MIB1: variants seen among roughly 807,000 people sequenced by gnomAD.
MIB1 encodes the protein E3 ubiquitin-protein ligase MIB1.
In MIB1, 278 loss-of-function variants were observed where a neutral mutation model predicts 124.5. That is an observed-to-expected ratio of 2.23 (90% CI 2.02 to 2.47). MIB1 has a LOEUF of 2.47. Ranked by LOEUF, MIB1 falls within the 30% of genes most tolerant of loss-of-function variation. The probability of loss-of-function intolerance (pLI) is 0.00; values close to 1 mark genes in which losing one functional copy is unlikely to be tolerated. For synonymous variants in MIB1, 446 were observed against 429.4 expected (o/e 1.04, Z -0.48); for missense variants, 957 against 1,254.4 (o/e 0.76, Z 3.58).
intron 18 of MIB1, among the ~76,000 whole-genome samples, chr18:21,855,595 G>A (rs1390323521): frequency 6.6e-6 from 1 of 152,148 alleles, no homozygotes; most frequent in South Asian, 2.1e-4. Flanking sequence ...TTGTATAACC[G>A]AGCGTCAGAC....
In MIB1 at chr18:21,869,488, C is replaced by T. The variant is rs1041394759; in HGVS notation, c.*4822C>T. Reference sequence around the variant, plus strand: ...TTTATAAAAGATGGTCTTTAGTGCACGTGTATCATTATATACACGTTTTAA... The same window carrying T: ...TTTATAAAAGATGGTCTTTAGTGCATGTGTATCATTATATACACGTTTTAA... On this transcript the variant is annotated 3_prime_UTR_variant, in exon 21 of 21. Coordinates refer to ENST00000261537, the MANE Select transcript of MIB1 (RefSeq NM_020774.4). The T allele has an allele frequency of 6.6e-5, 10 of 152,332 alleles. No homozygotes were observed. The highest frequency in any genetic ancestry group is 2.2e-4 in the African/African-American group (9 of 41,378). 9.4% of individuals were successfully genotyped at this position (152,332 alleles called of 1,614,324 possible).
intron 1 of MIB1, among the ~76,000 whole-genome samples, chr18:21,725,715 A>G (rs564193934): frequency 7.3e-4 from 111 of 152,148 alleles, no homozygotes; most frequent in Non-Finnish European, 7.8e-4. Flanking sequence ...AAAGTCAAAG[A>G]CACACTTTGT....
At chr18:21,760,818 T>C (rs1428619899) in intron 1 of MIB1, among the ~76,000 whole-genome samples, 2 of 152,220 alleles carry the variant, frequency 1.3e-5, no homozygotes, top group Non-Finnish European at 2.9e-5. Context: ...ATCAACCAAG[T>C]CACATTTGAA....
At chr18:21,797,469 G>A (rs1391832779) in intron 7 of MIB1, among the ~76,000 whole-genome samples, 1 of 152,058 alleles carries the variant, frequency 6.6e-6, no homozygotes, top group East Asian at 1.9e-4. Context: ...GTGGGGGTGA[G>A]CGGTAATTTT....
chr18:21,770,518 C>A (rs1219505967), intron 3 of MIB1, among the ~76,000 whole-genome samples: 1 of 151,988 alleles, frequency 6.6e-6, no homozygotes, highest in East Asian at 1.9e-4. Flanking sequence ...TGGAGTCTTG[C>A]TGTGTTGCCC....
chr18:21,769,562 C>T (rs1042179012), intron 3 of MIB1, among the ~76,000 whole-genome samples: 3 of 152,188 alleles, frequency 2.0e-5, no homozygotes, highest in Non-Finnish European at 4.4e-5. Flanking sequence ...TGCCTCTTTT[C>T]CTGGCTGGAT....
chr18:21,707,803 G>A (rs1024442719), intron 1 of MIB1, among the ~76,000 whole-genome samples: 3 of 152,180 alleles, frequency 2.0e-5, no homozygotes, highest in African/African-American at 7.2e-5. Flanking sequence ...TAAAGTGAAA[G>A]TATTATCGAA....
chr18:21,827,655 C>T (rs2041938228), intron 12 of MIB1: 1 of 151,980 alleles, frequency 6.6e-6, no homozygotes, highest in South Asian at 2.1e-4. Flanking sequence ...GTGAGTTAAG[C>T]TTTGAACTAA....
At chr18:21,863,618 T>C (rs2042295622) in intron 20 of MIB1, among the ~76,000 whole-genome samples, 1 of 151,734 alleles carries the variant, frequency 6.6e-6, no homozygotes, top group Non-Finnish European at 1.5e-5. Context: ...GGGTCTGGAG[T>C]CTTTAAAGGC....
chr18:21,735,378 C>T (rs1050752711), intron 1 of MIB1, among the ~76,000 whole-genome samples: 3 of 152,138 alleles, frequency 2.0e-5, no homozygotes, highest in African/African-American at 7.2e-5. Flanking sequence ...ACCAGCAGAC[C>T]AGGAAATTCC....
In MIB1 at chr18:21,868,608, A is replaced by G. The variant is rs542747410; in HGVS notation, c.*3942A>G. The stretch of plus-strand genomic sequence containing the variant: ...TATGTGTGCCTTGTTGGAAGTGTCA[A>G]CTGTCTTTATGTCTGCTTGTAAAAG... On this transcript the variant is annotated 3_prime_UTR_variant, in exon 21 of 21. Coordinates refer to ENST00000261537, the MANE Select transcript of MIB1 (RefSeq NM_020774.4). 4.6e-5 allele frequency: 7 copies of G among 152,544 alleles called. No homozygotes were observed. Among genetic ancestry groups the G allele is most frequent in the African/African-American group, 9.6e-5 (4 of 41,564 alleles). 9.4% of individuals were successfully genotyped at this position (152,544 alleles called of 1,614,324 possible). A position where few individuals can be genotyped will look rare whatever the true frequency, so the allele number is the denominator to read the frequency against.
Position 21,706,322 on chromosome 18 carries a change from C to A in MIB1, n.167+1199C>A, listed in dbSNP as rs138656470. The stretch of plus-strand genomic sequence containing the variant: ...TCTGGAACTCCTGATCCACTCGCCT[C>A]GGCCTCCCAAAGTGCTGGTGAGAGG... On this transcript the variant is annotated intron_variant and non_coding_transcript_variant, in intron 1 of 20. Coordinates refer to the MIB1 transcript ENST00000578646. Among the ~76,000 whole-genome samples, 3 of 152,298 alleles carry A rather than the reference C, an allele frequency of 2.0e-5. No individual in the cohort carries two copies. The East Asian group carries it at 5.8e-4, about 29-fold the overall frequency.
intron 1 of MIB1, among the ~76,000 whole-genome samples, chr18:21,724,724 AAAAATATATATATATATATATATATATAT>A (rs1159289823): frequency 1.6e-5 from 1 of 61,384 alleles, no homozygotes. Flanking sequence ...AAAAAAAAAA[AAAAATATATATATATATATATATATATAT>A]ATATATATAT....
At position 21,782,509 on chromosome 18, in the gene MIB1, T is replaced by A. The variant is rs537814884; in HGVS notation, c.908+2824T>A. On this transcript the variant is annotated intron_variant, in intron 6 of 20. Coordinates refer to ENST00000261537, the MANE Select transcript of MIB1 (RefSeq NM_020774.4). Reference sequence around the variant, plus strand: ...TTTCATGGATTTTGATATGTTGTGTTTCCATTTTCATTTGTTTCAAGAAAT... The same window carrying A: ...TTTCATGGATTTTGATATGTTGTGTATCCATTTTCATTTGTTTCAAGAAAT... 6.8e-4 allele frequency among the ~76,000 whole-genome samples: 103 copies of A among 152,320 alleles called. 4 individuals are homozygous for A. The South Asian group carries it at 0.014, about 21-fold the overall frequency.
At chr18:21,837,573 G>C (rs2042045569) in intron 12 of MIB1, among the ~76,000 whole-genome samples, 1 of 152,018 alleles carries the variant, frequency 6.6e-6, no homozygotes, top group Admixed American at 6.6e-5. Flanking sequence ...TAATTTTAGA[G>C]GTTCTTCAAT....
intron 1 of MIB1, among the ~76,000 whole-genome samples, chr18:21,721,220 G>GC (rs1382969753): frequency 1.2e-5 from 1 of 80,052 alleles, no homozygotes; most frequent in Non-Finnish European, 2.3e-5. Flanking sequence ...TCCTTCTGTT[G>GC]CCCAGGCTGG....
chr18:21,847,125 G>C lies in MIB1; in HGVS notation c.2393G>C (p.Ser798Thr). ...GCAAAGTGTCATAAGGAAAAAGTCA[G>C]GTTTGTATTATTTATTATCATAAAA... ...ALAKCHKEKV[S>T]GQVGSRSPSM... The change falls in exon 16 of 21, where the codon AGT becomes ACT. Residue 798 changes from serine (S) to threonine (T), a missense_variant and splice_region_variant. Transcript: ENST00000261537. 6.2e-7 allele frequency: 1 copy of C among 1,612,878 alleles called. No homozygotes were observed. Among genetic ancestry groups the C allele is most frequent in the Non-Finnish European group, 8.5e-7 (1 of 1,179,126 alleles).
intron 18 of MIB1, among the ~76,000 whole-genome samples, chr18:21,856,567 T>C (rs1227834583): frequency 6.6e-6 from 1 of 152,038 alleles, no homozygotes; most frequent in Non-Finnish European, 1.5e-5. Flanking sequence ...TCCGGGGGTG[T>C]TGGGCAGGGG....
chr18:21,771,397 A>G (rs999544676), intron 3 of MIB1, among the ~76,000 whole-genome samples: 2 of 152,244 alleles, frequency 1.3e-5, no homozygotes, highest in African/African-American at 2.4e-5. Flanking sequence ...ATCCTATAAA[A>G]TACAGACTTA....
Sources: allele counts gnomAD v4.1 joint callset (sites outside exome capture counted in the v4.1 genomes callset), GRCh38; gene constraint gnomAD v4.1.1; transcripts MANE v1.5; gene names NCBI Gene and HGNC (gene_info 2026-07-23, HGNC 2026-07-21).